Variants in COG2 observed in about 807,000 individuals in gnomAD.
COG2 encodes the protein component of oligomeric golgi complex 2, also known as conserved oligomeric Golgi complex subunit 2.
In COG2, 52 loss-of-function variants were observed where a neutral mutation model predicts 90.6. The ratio of observed to expected loss-of-function variants is 0.57; its 90% CI spans 0.46 to 0.72. The LOEUF (loss-of-function observed/expected upper bound fraction) is 0.72. COG2 is among the 30% of genes least tolerant of loss of function. The pLI, the probability that COG2 is intolerant of heterozygous loss-of-function variation, is 0.00. For synonymous variants in COG2, 337 were observed against 320.4 expected (o/e 1.05, Z -0.55); for missense variants, 829 against 891.2 (o/e 0.93, Z 0.89).
At position 230,688,481 on chromosome 1, in the gene COG2, C is replaced by G; in HGVS notation, c.1713C>G (p.Ile571Met). 6.2e-7 allele frequency: 1 copy of G among 1,614,056 alleles called. No homozygotes were observed. The highest frequency in any genetic ancestry group is 1.7e-4 in the Middle Eastern group (1 of 6,048). ...SACVPSLSSK[I>M]IQDLSDSCFG... ...GTGTGCCCTCCTTGAGTAGCAAGAT[C>G]ATCCAGGATTTAAGTGACTCTTGCT... The change falls in exon 15 of 18, where the codon ATC becomes ATG. Residue 571 changes from isoleucine to methionine, a missense_variant. Transcript: ENST00000366669.
At chr1:230,654,083 T>C (rs1481095394) in intron 1 of COG2, among the ~76,000 whole-genome samples, 2 of 152,230 alleles carry the variant, frequency 1.3e-5, no homozygotes, top group Non-Finnish European at 2.9e-5. Context: ...TTCACTCTGA[T>C]GATAGTTTCT....
chr1:230,681,036 AC>A (rs1219689573), intron 10 of COG2: 6 of 151,850 alleles, frequency 4.0e-5, no homozygotes, highest in African/African-American at 1.5e-4. Flanking sequence ...GAAAAAGGCC[AC>A]CTCCCCACCC....
In COG2 at chr1:230,669,343, C is replaced by T; in HGVS notation, c.595-13C>T. On this transcript the variant is annotated splice_polypyrimidine_tract_variant and intron_variant, in intron 6 of 17. Coordinates refer to ENST00000366669, the MANE Select transcript of COG2 (RefSeq NM_007357.3). ...CTAGAGCTTTTTTTTTATTTACCCA[C>T]CTTTTCTTGCAGCGTATAGCTGGCA... The T allele has an allele frequency of 1.3e-6, 2 of 1,587,814 alleles. No homozygotes were observed. Among genetic ancestry groups the T allele is most frequent in the Non-Finnish European group, 8.6e-7 (1 of 1,165,334 alleles).
At position 230,693,760 on chromosome 1, in the gene COG2, TG is replaced by T. The variant is rs1169547701; in HGVS notation, c.*368del. 1 of 156,874 alleles carries T rather than the reference TG, an allele frequency of 6.4e-6. No homozygotes were observed. Among genetic ancestry groups the T allele is most frequent in the African/African-American group, 2.4e-5 (1 of 41,588 alleles). 9.7% of individuals were successfully genotyped at this position (156,874 alleles called of 1,614,324 possible). The stretch of plus-strand genomic sequence containing the variant: ...ATATCAAGAGTCGTCTCCCTGAGCC[TG>T]TAGTTGGAAGTGACGACTGTAATGG... On this transcript the variant is annotated 3_prime_UTR_variant, in exon 18 of 18. Coordinates refer to ENST00000366669, the MANE Select transcript of COG2 (RefSeq NM_007357.3).
chr1:230,645,112 G>T (rs1198239600), intron 1 of COG2, among the ~76,000 whole-genome samples: 4 of 151,666 alleles, frequency 2.6e-5, no homozygotes, highest in Non-Finnish European at 5.9e-5. Flanking sequence ...GCACATACCT[G>T]TAGTCCCAGC....
chr1:230,665,935 T>A (rs898352778), intron 5 of COG2, among the ~76,000 whole-genome samples: 1 of 152,190 alleles, frequency 6.6e-6, no homozygotes, highest in Non-Finnish European at 1.5e-5. Flanking sequence ...TTTGATGGAC[T>A]CCACTGCCCT....
chr1:230,674,945 T>C, intron 8 of COG2, 53 bp from the exon 9 acceptor site: 1 of 1,432,064 alleles, frequency 7.0e-7, no homozygotes, highest in Non-Finnish European at 9.4e-7. Context: ...GGAAATTTGC[T>C]CTTTGTAAGT....
intron 1 of COG2, among the ~76,000 whole-genome samples, chr1:230,656,234 G>T (rs1662045947): frequency 6.6e-6 from 1 of 152,100 alleles, no homozygotes; most frequent in South Asian, 2.1e-4. Context: ...CCTTTCACTT[G>T]TGGGCATTTA....
chr1:230,687,262 A>G (rs547347388), intron 13 of COG2, 130 bp downstream of exon 13: 89 of 635,448 alleles, frequency 1.4e-4, no homozygotes, highest in Non-Finnish European at 2.2e-4. Flanking sequence ...ACCCCAAGAG[A>G]GAACCTCTCA....
chr1:230,645,530 G>A (rs758450046), intron 1 of COG2, among the ~76,000 whole-genome samples: 3 of 152,142 alleles, frequency 2.0e-5, no homozygotes, highest in Non-Finnish European at 4.4e-5. Flanking sequence ...TTAACCTGTT[G>A]TGTAGGGCAA....
chr1:230,660,746 T>A lies in COG2; in HGVS notation c.235-12T>A. 6.4e-7 allele frequency: 1 copy of A among 1,572,074 alleles called. No individual in the cohort carries two copies. The highest frequency in any genetic ancestry group is 2.3e-5 in the East Asian group (1 of 42,692). ...TGTGAGGTGTGTGTGCCAACATGAT[T>A]TCTGCCTTTAGGTTGGCATGGACAA... On this transcript the variant is annotated splice_polypyrimidine_tract_variant and intron_variant, in intron 2 of 17. Transcript: ENST00000366669.
intron 17 of COG2, 50 bp from the exon 18 acceptor site, chr1:230,693,242 A>G (rs539548181): frequency 2.7e-5 from 29 of 1,080,568 alleles, no homozygotes; most frequent in Non-Finnish European, 4.0e-5. Context: ...TTCCCCCCCC[A>G]TATTCAGCTT....
At chr1:230,671,669 C>T (rs1477080976) in intron 8 of COG2, 29 bp downstream of exon 8, 3 of 1,607,898 alleles carry the variant, frequency 1.9e-6, no homozygotes, top group South Asian at 2.2e-5. Context: ...TGTGGACCCC[C>T]ACCTCCCTTT....
Position 230,659,610 on chromosome 1 carries a change from T to C in COG2, c.219T>C (p.Asn73=). ...LINKDYADFV[N]LSTNLVGMDK... is the part of the protein sequence containing the mutation. ...ACAAGGATTATGCAGATTTTGTCAA[T>C]CTTTCAACAAACTTGGTAAACTTTA... is the stretch of plus-strand genomic sequence containing the variant. The change falls in exon 2 of 18, where the codon AAT becomes AAC. Residue 73 remains asparagine, a synonymous_variant. Coordinates refer to ENST00000366669, the MANE Select transcript of COG2 (RefSeq NM_007357.3). The C allele has an allele frequency of 6.2e-7, 1 of 1,613,184 alleles. No individual in the cohort carries two copies. Among genetic ancestry groups the C allele is most frequent in the Non-Finnish European group, 8.5e-7 (1 of 1,179,700 alleles).
At chr1:230,688,652 C>G (rs1469506204) in intron 15 of COG2, 90 bp downstream of exon 15, 1 of 1,404,964 alleles carries the variant, frequency 7.1e-7, no homozygotes, top group Non-Finnish European at 9.9e-7. Context: ...CGGCGGATTC[C>G]CAGGGTAGCC....
chr1:230,679,009 A>T lies in COG2; in HGVS notation c.1123A>T (p.Ser375Cys), dbSNP rs769221163. ...KRLRAHPAYH[S>C]FNKKWNLPVY... ...ATTAAGAGCCCATCCTGCCTATCACAGCTTCAATAAGAAGTGGAACTTGCC... is the reference window on the plus strand; with the variant it reads ...ATTAAGAGCCCATCCTGCCTATCACTGCTTCAATAAGAAGTGGAACTTGCC... Residue 375 changes from serine (S) to cysteine (C), a missense_variant, in exon 10 of 18, where the codon AGC (serine) becomes TGC (cysteine). By Grantham distance (112) the Ser-to-Cys change is moderately radical (BLOSUM62 -1). Transcript: ENST00000366669. 6.2e-7 allele frequency: 1 copy of T among 1,613,642 alleles called. No individual in the cohort carries two copies. The highest frequency in any genetic ancestry group is 8.5e-7 in the Non-Finnish European group (1 of 1,179,584).
chr1:230,681,984 TATC>T (rs35431847), intron 10 of COG2: 100,165 of 150,908 alleles, frequency 0.66, 33,829 homozygotes, highest in Non-Finnish European at 0.75. Flanking sequence ...TTTTCAGAAT[TATC>T]ATAAATATAC....
chr1:230,648,521 T>C (rs149852766), intron 1 of COG2, among the ~76,000 whole-genome samples: 1 of 152,376 alleles, frequency 6.6e-6, no homozygotes, highest in African/African-American at 2.4e-5. Flanking sequence ...TTCTTGATGG[T>C]ATGAGATCAG....
Position 230,691,437 on chromosome 1 carries a change from G to C in COG2, c.1988G>C (p.Ser663Thr). 10 of 1,614,126 alleles carry C rather than the reference G, an allele frequency of 6.2e-6. No individual in the cohort carries two copies. Among genetic ancestry groups the C allele is most frequent in the Non-Finnish European group, 8.5e-6 (10 of 1,180,018 alleles). The part of the protein sequence containing the change: ...VLNSVKKMEE[S>T]LKRLKQARKT... ...AACTCTGTGAAGAAGATGGAAGAGA[G>C]CCTGAAAAGGCTGAAACAAGCCAGA... The change falls in exon 17 of 18, where the codon AGC (serine) becomes ACC (threonine). Residue 663 changes from serine to threonine, a missense_variant. By Grantham distance (58) the Ser-to-Thr change is moderately conservative. Transcript: ENST00000366669.
Sources: gnomAD v4.1 joint callset for allele counts (sites outside exome capture counted in the v4.1 genomes callset) on GRCh38, gnomAD v4.1.1 for gene constraint, MANE v1.5 for transcripts, NCBI Gene and HGNC (gene_info 2026-07-23, HGNC 2026-07-21) for gene names.